Variants in KCNH8 observed in about 807,000 individuals in gnomAD.
The protein encoded by KCNH8 is potassium voltage-gated channel subfamily H member 8, also known as voltage-gated delayed rectifier potassium channel KCNH8.
Under a neutral mutation model 103.6 loss-of-function variants are expected in KCNH8, and 70 were observed. The ratio of observed to expected loss-of-function variants is 0.68; its 90% CI spans 0.56 to 0.82. The LOEUF (loss-of-function observed/expected upper bound fraction) is 0.82, where lower values mean the gene tolerates loss of function less well. Among genes scored for constraint, KCNH8 ranks in the 40% least tolerant of loss-of-function variants. KCNH8 has a pLI of 0.00. For synonymous variants in KCNH8, 498 were observed against 489.4 expected, an observed-to-expected ratio of 1.02 and a Z score of -0.23; for missense variants, 1,217 against 1,329.9, an observed-to-expected ratio of 0.92 and a Z score of 1.32.
chr3:19,482,976 C>T (rs1044369378), intron 11 of KCNH8, among the ~76,000 whole-genome samples: 21 of 152,018 alleles, frequency 1.4e-4, no homozygotes, highest in African/African-American at 3.9e-4. Flanking sequence ...GGTATCCCCA[C>T]GAGCTGTCTT....
Position 19,253,748 on chromosome 3 carries a change from A to G in KCNH8, c.171A>G (p.Arg57=). 6.2e-7 allele frequency: 1 copy of G among 1,613,892 alleles called. No homozygotes were observed. Among genetic ancestry groups the G allele is most frequent in the Non-Finnish European group, 8.5e-7 (1 of 1,179,918 alleles). ...DGFCELAGFA[R]TEVMQKSCSC... ...TCTGCGAGCTTGCTGGATTTGCCCG[A>G]ACTGAAGTCATGCAGAAGAGTTGTA... The change falls in exon 2 of 16, where the codon CGA becomes CGG. Residue 57 remains arginine, a synonymous_variant. Transcript: ENST00000328405.
intron 5 of KCNH8, among the ~76,000 whole-genome samples, chr3:19,379,401 G>GGAGGC (rs1367068221): frequency 2.6e-5 from 4 of 152,116 alleles, no homozygotes; most frequent in Admixed American, 6.5e-5. Context: ...CAGCACTTTG[G>GGAGGC]GAGGCCATGG....
chr3:19,492,486 C>A (rs1441497378), intron 11 of KCNH8, among the ~76,000 whole-genome samples: 1 of 152,022 alleles, frequency 6.6e-6, no homozygotes, highest in Admixed American at 6.6e-5. Context: ...AGGTTTTAAA[C>A]ATGTGGCTTC....
intron 5 of KCNH8, among the ~76,000 whole-genome samples, chr3:19,368,525 A>G (rs917667690): frequency 2.6e-5 from 4 of 152,018 alleles, no homozygotes; most frequent in African/African-American, 9.7e-5. Flanking sequence ...TTGATTATTT[A>G]CCCATTCATA....
At chr3:19,242,569 C>T (rs2064155854) in intron 1 of KCNH8, among the ~76,000 whole-genome samples, 1 of 152,158 alleles carries the variant, frequency 6.6e-6, no homozygotes, top group South Asian at 2.1e-4. Context: ...TTCCCCCTCT[C>T]CCCCTAAACC....
Position 19,450,089 on chromosome 3 carries a change from T to A in KCNH8, c.1376-17T>A, listed in dbSNP as rs373662909. On this transcript the variant is annotated splice_polypyrimidine_tract_variant and intron_variant, in intron 8 of 15. Coordinates refer to ENST00000328405, the MANE Select transcript of KCNH8 (RefSeq NM_144633.3). ...GTCACATTTCTCTTCCATTATATAC[T>A]GTGTTGTTCTTTCTAGCCTTGATGC... is the stretch of plus-strand genomic sequence containing the variant. 2.7e-5 allele frequency: 44 copies of A among 1,608,090 alleles called. No homozygotes were observed. In the African/African-American group the frequency reaches 2.8e-4, roughly 10 times the overall value.
chr3:19,359,456 C>T (rs1047144257), intron 5 of KCNH8, among the ~76,000 whole-genome samples: 7 of 151,882 alleles, frequency 4.6e-5, no homozygotes, highest in African/African-American at 1.7e-4. Context: ...TAAACTAGCA[C>T]ATCAATATTT....
At chr3:19,308,694 CT>C (rs1559470025) in intron 3 of KCNH8, among the ~76,000 whole-genome samples, 16 of 72,802 alleles carry the variant, frequency 2.2e-4, no homozygotes, top group African/African-American at 2.9e-4. Context: ...CTCTCTCTCT[CT>C]CTCTCTCTCT....
chr3:19,359,751 A>G (rs995820805), intron 5 of KCNH8, among the ~76,000 whole-genome samples: 1 of 152,122 alleles, frequency 6.6e-6, no homozygotes, highest in African/African-American at 2.4e-5. Context: ...AAGCAAGATT[A>G]GTTGTGTATA....
chr3:19,293,955 C>G (rs2064963188), intron 3 of KCNH8, among the ~76,000 whole-genome samples: 1 of 152,130 alleles, frequency 6.6e-6, no homozygotes, highest in Admixed American at 6.6e-5. Flanking sequence ...TTCAAAGTAA[C>G]CAGATCAAAA....
intron 3 of KCNH8, among the ~76,000 whole-genome samples, chr3:19,301,186 C>A (rs1180110073): frequency 6.6e-6 from 1 of 151,654 alleles, no homozygotes; most frequent in Non-Finnish European, 1.5e-5. Context: ...ACTCCTACAA[C>A]CTCTACCCTA....
At chr3:19,490,370 A>C (rs934766993) in intron 11 of KCNH8, among the ~76,000 whole-genome samples, 3 of 152,206 alleles carry the variant, frequency 2.0e-5, no homozygotes, top group Non-Finnish European at 2.9e-5. Context: ...GTCCCTTTTA[A>C]GGGCTTACAA....
intron 2 of KCNH8, among the ~76,000 whole-genome samples, chr3:19,256,298 A>G (rs1449292363): frequency 6.6e-6 from 1 of 152,134 alleles, no homozygotes; most frequent in Non-Finnish European, 1.5e-5. Context: ...ATTGGAGACT[A>G]TCTCTTTGGG....
intron 7 of KCNH8, among the ~76,000 whole-genome samples, chr3:19,420,965 G>T (rs1326248545): frequency 1.3e-5 from 2 of 152,162 alleles, no homozygotes; most frequent in East Asian, 3.9e-4. Context: ...CTGTGTGTGT[G>T]TGTGTACACA....
At chr3:19,516,515 TATC>T (rs2068876868) in intron 14 of KCNH8, among the ~76,000 whole-genome samples, 2 of 152,062 alleles carry the variant, frequency 1.3e-5, no homozygotes, top group Non-Finnish European at 2.9e-5. Context: ...AAATCATAGT[TATC>T]ATCAAACTGG....
chr3:19,515,296 C>T lies in KCNH8; in HGVS notation c.2436-26C>T, dbSNP rs370814196. The T allele has an allele frequency of 9.9e-6, 13 of 1,311,072 alleles. No homozygotes were observed. In the African/African-American group the frequency reaches 1.8e-4, roughly 18 times the overall value. 81.2% of individuals were successfully genotyped at this position (1,311,072 alleles called of 1,614,324 possible). A position where few individuals can be genotyped will look rare whatever the true frequency, so the allele number is the denominator to read the frequency against. ...GAATCCATGAATATGAATCCACAGCCAGCCAATTTCCTTTATTTTAAGTAG... is the reference window on the plus strand; with the variant it reads ...GAATCCATGAATATGAATCCACAGCTAGCCAATTTCCTTTATTTTAAGTAG... On this transcript the variant is annotated intron_variant, in intron 13 of 15. Coordinates refer to ENST00000328405, the MANE Select transcript of KCNH8 (RefSeq NM_144633.3).
At chr3:19,462,017 A>C (rs556706685) in intron 11 of KCNH8, among the ~76,000 whole-genome samples, 1 of 152,302 alleles carries the variant, frequency 6.6e-6, no homozygotes, top group South Asian at 2.1e-4. Context: ...TATATGTGCC[A>C]CATTTTCTTA....
At chr3:19,155,203 A>G (rs867235006) in intron 1 of KCNH8, among the ~76,000 whole-genome samples, 1 of 152,160 alleles carries the variant, frequency 6.6e-6, no homozygotes, top group Non-Finnish European at 1.5e-5. Flanking sequence ...TTCCAGCCTC[A>G]TTATTGGCAT....
At chr3:19,220,567 C>A (rs1559428504) in intron 1 of KCNH8, among the ~76,000 whole-genome samples, 1 of 151,268 alleles carries the variant, frequency 6.6e-6, no homozygotes, top group Non-Finnish European at 1.5e-5. Flanking sequence ...ACTCCCTACA[C>A]AGATGTGGGA....
Sources: allele counts gnomAD v4.1 joint callset (sites outside exome capture counted in the v4.1 genomes callset), GRCh38; gene constraint gnomAD v4.1.1; transcripts MANE v1.5; gene names NCBI Gene and HGNC (gene_info 2026-07-23, HGNC 2026-07-21).